Variants in JAKMIP2 observed in about 807,000 individuals in gnomAD.
JAKMIP2 encodes the protein janus kinase and microtubule interacting protein 2, also known as janus kinase and microtubule-interacting protein 2.
A neutral mutation model predicts 115.0 loss-of-function variants in JAKMIP2; 25 were observed. The observed-to-expected ratio is 0.22, with a 90% CI of 0.16 to 0.30. The LOEUF is 0.30. JAKMIP2 is among the 10% of genes least tolerant of loss of function. The pLI is 1.00. For missense variants in JAKMIP2, 642 were observed against 957.6 expected, an observed-to-expected ratio of 0.67 and a Z score of 4.35; for synonymous variants, 334 against 343.6, an observed-to-expected ratio of 0.97 and a Z score of 0.31.
chr5:147,716,135 T>A (rs1463907962), intron 1 of JAKMIP2, among the ~76,000 whole-genome samples: 10 of 146,604 alleles, frequency 6.8e-5, no homozygotes, highest in African/African-American at 2.6e-4. Flanking sequence ...GAGAATGATG[T>A]TTTCCAATTT....
At chr5:147,631,152 C>T (rs1477074846) in intron 14 of JAKMIP2, among the ~76,000 whole-genome samples, 1 of 152,208 alleles carries the variant, frequency 6.6e-6, no homozygotes, top group Admixed American at 6.5e-5. Flanking sequence ...AATTTTGATG[C>T]AGCGTCTTTC....
At chr5:147,722,364 TC>T (rs1397898692) in intron 1 of JAKMIP2, among the ~76,000 whole-genome samples, 7 of 152,146 alleles carry the variant, frequency 4.6e-5, no homozygotes, top group South Asian at 4.1e-4. Flanking sequence ...TCCTTTTAAC[TC>T]CCCTTCCCTA....
intron 1 of JAKMIP2, among the ~76,000 whole-genome samples, chr5:147,748,973 T>A (rs1404253698): frequency 6.6e-6 from 1 of 152,216 alleles, no homozygotes; most frequent in African/African-American, 2.4e-5. Flanking sequence ...ACTCTTCGTG[T>A]GTCTGCATTG....
intron 13 of JAKMIP2, among the ~76,000 whole-genome samples, chr5:147,632,360 G>A (rs190807301): frequency 9.9e-5 from 15 of 152,270 alleles, no homozygotes; most frequent in African/African-American, 3.4e-4. Flanking sequence ...AACAACGAAT[G>A]TTGAGGATGG....
At chr5:147,662,288 CTCTT>C (rs1221504606) in intron 2 of JAKMIP2, among the ~76,000 whole-genome samples, 2 of 152,088 alleles carry the variant, frequency 1.3e-5, no homozygotes, top group African/African-American at 2.4e-5. Flanking sequence ...CCATGAATGT[CTCTT>C]TGAGTCCCTT....
chr5:147,659,449 G>C (rs1418161698), intron 3 of JAKMIP2, among the ~76,000 whole-genome samples: 2 of 152,124 alleles, frequency 1.3e-5, no homozygotes, highest in African/African-American at 4.8e-5. Context: ...GGTCTCGCTG[G>C]GAGCTGCAGA....
intron 1 of JAKMIP2, among the ~76,000 whole-genome samples, chr5:147,709,000 A>G (rs1460506075): frequency 4.6e-5 from 7 of 152,176 alleles, no homozygotes; most frequent in Admixed American, 2.0e-4. Flanking sequence ...CATCCTCTCA[A>G]TGTATCCAGT....
chr5:147,767,573 A>G (rs2127066567), intron 1 of JAKMIP2, among the ~76,000 whole-genome samples: 1 of 152,196 alleles, frequency 6.6e-6, no homozygotes, highest in East Asian at 1.9e-4. Flanking sequence ...TACTCTCATT[A>G]AGTACTCAGT....
At chr5:147,654,845 G>C (rs1454868992) in intron 3 of JAKMIP2, among the ~76,000 whole-genome samples, 3 of 152,002 alleles carry the variant, frequency 2.0e-5, no homozygotes, top group African/African-American at 7.3e-5. Context: ...ATTGGCTATG[G>C]GTTTGTCATA....
Position 147,747,768 on chromosome 5 carries a change from C to T in JAKMIP2, c.-149+34688G>A, listed in dbSNP as rs560212688. 9.2e-5 allele frequency among the ~76,000 whole-genome samples: 14 copies of T among 152,304 alleles called. No homozygotes were observed. The South Asian group carries it at 2.7e-3, about 29-fold the overall frequency. On this transcript the variant is annotated intron_variant, in intron 1 of 21. Coordinates refer to ENST00000616793, the MANE Select transcript of JAKMIP2 (RefSeq NM_001270941.2). ...TTTTTAGGCTTATTGTTCCAGACTA[C>T]TTCCCTCATGCTATGCTCTAGCCAA...
In JAKMIP2 at chr5:147,734,557, G is replaced by A. The variant is rs187836963; in HGVS notation, c.-149+47899C>T. ...AGGAGAAATACCTAATGTTGATGAC[G>A]GGTTGATGGGTGCAGCAAACCACCA... is the stretch of plus-strand genomic sequence containing the variant. On this transcript the variant is annotated intron_variant, in intron 1 of 21. Transcript: ENST00000616793. Among the ~76,000 whole-genome samples the A allele has an allele frequency of 1.2e-4, 18 of 151,782 alleles. No individual in the cohort carries two copies. In the East Asian group the frequency reaches 3.5e-3, roughly 30 times the overall value.
chr5:147,681,660 A>G (rs1760286558), intron 1 of JAKMIP2, among the ~76,000 whole-genome samples: 1 of 152,158 alleles, frequency 6.6e-6, no homozygotes, highest in African/African-American at 2.4e-5. Context: ...GGGAGGAATC[A>G]GCAATTTAAT....
At chr5:147,652,808 G>A (rs1758472788) in intron 3 of JAKMIP2, among the ~76,000 whole-genome samples, 1 of 151,998 alleles carries the variant, frequency 6.6e-6, no homozygotes, top group South Asian at 2.1e-4. Context: ...GGTCCTCTAG[G>A]TTTTAAGCCC....
At position 147,658,529 on chromosome 5, in the gene JAKMIP2, AGCTGGT is replaced by A. The variant is rs1418001545; in HGVS notation, c.627+2413_627+2418del. The stretch of plus-strand genomic sequence containing the variant: ...GAGGAGGCAGTCTGTCCCTTAGCAG[AGCTGGT>A]GCGCTGTGCTGGGAGAATCTCCCTT... On this transcript the variant is annotated intron_variant, in intron 3 of 21. Coordinates refer to ENST00000616793, the MANE Select transcript of JAKMIP2 (RefSeq NM_001270941.2). Among the ~76,000 whole-genome samples, 4 of 152,154 alleles carry A rather than the reference AGCTGGT, an allele frequency of 2.6e-5. No homozygotes were observed. In the East Asian group the frequency reaches 7.7e-4, roughly 29 times the overall value.
chr5:147,689,501 G>T (rs538566040), intron 1 of JAKMIP2, among the ~76,000 whole-genome samples: 1 of 152,300 alleles, frequency 6.6e-6, no homozygotes, highest in South Asian at 2.1e-4. Flanking sequence ...GGAAGCAAGG[G>T]AGGTGGTGAT....
intron 2 of JAKMIP2, among the ~76,000 whole-genome samples, chr5:147,662,161 T>TACACACACACACACACACACACACAC (rs61492351): frequency 6.8e-6 from 1 of 147,046 alleles, no homozygotes; most frequent in East Asian, 2.0e-4. Context: ...CCCCAAGTTT[T>TACACACACACACACACACACACACAC]ACACACACAC....
At chr5:147,632,621 T>A in intron 13 of JAKMIP2, 59 bp downstream of exon 13, 1 of 1,074,602 alleles carries the variant, frequency 9.3e-7, no homozygotes. Context: ...CTCCTCAATG[T>A]GCTCTGTGCA....
chr5:147,593,834 G>C (rs867864459), intron 21 of JAKMIP2, among the ~76,000 whole-genome samples: 4 of 152,134 alleles, frequency 2.6e-5, no homozygotes, highest in Admixed American at 2.0e-4. Flanking sequence ...CTATTCCATG[G>C]TAAATAAGAG....
In JAKMIP2 at chr5:147,627,078, G is replaced by A. The variant is rs185676009; in HGVS notation, c.1995+1673C>T. ...TGCTGGACTAGTGTGAAAAGCTAGG[G>A]CAAAAAACAGGGGGTGGGGAGTGGA... On this transcript the variant is annotated intron_variant, in intron 16 of 21. Coordinates refer to ENST00000616793, the MANE Select transcript of JAKMIP2 (RefSeq NM_001270941.2). Among the ~76,000 whole-genome samples, 429 of 152,204 alleles carry A rather than the reference G, an allele frequency of 2.8e-3. 4 individuals carry two copies. The highest frequency in any genetic ancestry group is 2.0e-3 in the Non-Finnish European group (134 of 67,998).
Sources: allele counts gnomAD v4.1 joint callset (sites outside exome capture counted in the v4.1 genomes callset), GRCh38; gene constraint gnomAD v4.1.1; transcripts MANE v1.5; gene names NCBI Gene and HGNC (gene_info 2026-07-23, HGNC 2026-07-21).